PDE8A: variants seen among roughly 807,000 people sequenced by gnomAD.
The protein encoded by PDE8A is phosphodiesterase 8A, also known as high affinity cAMP-specific and IBMX-insensitive 3',5'-cyclic phosphodiesterase 8A.
Under a neutral mutation model 105.0 loss-of-function variants are expected in PDE8A, and 59 were observed. The ratio of observed to expected loss-of-function variants is 0.56; its 90% CI spans 0.46 to 0.70. The LOEUF (loss-of-function observed/expected upper bound fraction) is 0.70, where lower values mean the gene tolerates loss of function less well. Ranked by LOEUF, PDE8A falls within the 30% of genes least tolerant of loss-of-function variation. The pLI, the probability that PDE8A is intolerant of heterozygous loss-of-function variation, is 0.00. For synonymous variants in PDE8A, 355 were observed against 371.9 expected (o/e 0.95, Z 0.52); for missense variants, 1,014 against 1,045.9 (o/e 0.97, Z 0.42).
chr15:85,016,684 AG>A (rs2080329985), intron 1 of PDE8A, among the ~76,000 whole-genome samples: 1 of 152,200 alleles, frequency 6.6e-6, no homozygotes, highest in African/African-American at 2.4e-5. Context: ...AGCTGTGGGA[AG>A]AAAACTCAAA....
Position 84,982,160 on chromosome 15 carries a change from A to C in PDE8A, c.-3A>C. On this transcript the variant is annotated 5_prime_UTR_variant, in exon 1 of 22. Transcript: ENST00000394553. ...CCAGCGTGTCCGCGGCGCCGCCGCC[A>C]GCATGGGCTGTGCCCCGAGCATCCA... is the stretch of plus-strand genomic sequence containing the variant. The C allele has an allele frequency of 7.1e-7, 1 of 1,399,744 alleles. No homozygotes were observed. The highest frequency in any genetic ancestry group is 9.3e-7 in the Non-Finnish European group (1 of 1,080,288). 86.7% of individuals were successfully genotyped at this position (1,399,744 alleles called of 1,614,324 possible).
intron 6 of PDE8A, among the ~76,000 whole-genome samples, chr15:85,083,877 A>ACT: frequency 6.6e-6 from 1 of 152,312 alleles, no homozygotes; most frequent in Middle Eastern, 3.4e-3. Flanking sequence ...AATAATAGTA[A>ACT]GTTTAAAAAG....
chr15:85,040,159 G>GA (rs1000355811), intron 1 of PDE8A, among the ~76,000 whole-genome samples: 4 of 152,046 alleles, frequency 2.6e-5, no homozygotes, highest in African/African-American at 9.6e-5. Context: ...AAAAGAAAAA[G>GA]AAGCTGAGTG....
intron 1 of PDE8A, among the ~76,000 whole-genome samples, chr15:85,013,360 C>G (rs2080271943): frequency 6.6e-6 from 1 of 152,210 alleles, no homozygotes; most frequent in African/African-American, 2.4e-5. Context: ...CTTTTCTTAT[C>G]TGCAAAATGG....
chr15:85,009,176 A>G (rs1450236221), intron 1 of PDE8A, among the ~76,000 whole-genome samples: 1 of 151,608 alleles, frequency 6.6e-6, no homozygotes, highest in African/African-American at 2.4e-5. Context: ...TTCAAAGTGG[A>G]AAAGGGTATA....
chr15:85,037,983 A>G (rs1263435599), intron 1 of PDE8A, among the ~76,000 whole-genome samples: 1 of 152,236 alleles, frequency 6.6e-6, no homozygotes, highest in East Asian at 1.9e-4. Context: ...TTCTCCCAAC[A>G]ATACTCTTGA....
Position 85,135,244 on chromosome 15 carries a change from G to A in PDE8A, c.2254-1290G>A, listed in dbSNP as rs145804512. 1.0e-3 allele frequency among the ~76,000 whole-genome samples: 159 copies of A among 152,240 alleles called. 6 individuals are homozygous for A. Among genetic ancestry groups the A allele is most frequent in the Non-Finnish European group, 8.5e-4 (58 of 68,008 alleles). On this transcript the variant is annotated intron_variant, in intron 20 of 21. Transcript: ENST00000394553. ...GCTGTGAGTGTAGAAGACACGTCTT[G>A]TGAGTGGCCAACAGTGGGACGAGAC...
intron 1 of PDE8A, among the ~76,000 whole-genome samples, chr15:85,061,732 T>C (rs2141445194): frequency 6.6e-6 from 1 of 152,326 alleles, no homozygotes; most frequent in Admixed American, 6.5e-5. Context: ...GTGATGCATA[T>C]ATTAGCTTGT....
chr15:85,083,554 A>T lies in PDE8A; in HGVS notation c.547-2A>T. ...CCACAAAATTCCTCTTTCTGTTTGT[A>T]GAGGTATGTAGAAAACCCCAACATC... On this transcript the variant is annotated splice_acceptor_variant, in intron 5 of 21. Transcript: ENST00000394553. LOFTEE classifies it high-confidence loss of function. The T allele has an allele frequency of 6.3e-7, 1 of 1,590,804 alleles. No individual in the cohort carries two copies. The highest frequency in any genetic ancestry group is 8.6e-7 in the Non-Finnish European group (1 of 1,158,928).
intron 1 of PDE8A, among the ~76,000 whole-genome samples, chr15:85,056,768 C>G (rs2081066306): frequency 6.6e-6 from 1 of 152,216 alleles, no homozygotes; most frequent in Non-Finnish European, 1.5e-5. Context: ...CCTCCTTTAG[C>G]TCGGAGAAGT....
At chr15:85,064,131 C>T (rs1468391423) in intron 1 of PDE8A, 1 of 445,196 alleles carries the variant, frequency 2.2e-6, no homozygotes, top group African/African-American at 2.0e-5. Flanking sequence ...AAGGCAAAGC[C>T]AGAATCACAT....
At chr15:85,113,471 C>A in intron 13 of PDE8A, 24 bp downstream of exon 13, 1 of 1,577,322 alleles carries the variant, frequency 6.3e-7, no homozygotes, top group Non-Finnish European at 8.7e-7. Context: ...TGGTCTGTCT[C>A]CATTGAGCAC....
At chr15:85,060,965 G>A (rs2081135030) in intron 1 of PDE8A, among the ~76,000 whole-genome samples, 1 of 152,042 alleles carries the variant, frequency 6.6e-6, no homozygotes, top group African/African-American at 2.4e-5. Context: ...AACATTTCTT[G>A]CAGGGCATAT....
intron 1 of PDE8A, among the ~76,000 whole-genome samples, chr15:85,055,990 G>C (rs2081053412): frequency 6.6e-6 from 1 of 152,132 alleles, no homozygotes; most frequent in South Asian, 2.1e-4. Context: ...AGGAGCTCTT[G>C]TAAGGCAGGC....
chr15:84,992,660 G>A (rs2079904757), intron 1 of PDE8A, among the ~76,000 whole-genome samples: 1 of 152,166 alleles, frequency 6.6e-6, no homozygotes, highest in Non-Finnish European at 1.5e-5. Context: ...CTAACTTAGT[G>A]CAGTAGTTTG....
chr15:85,042,277 A>G (rs2080822149), intron 1 of PDE8A, among the ~76,000 whole-genome samples: 7 of 152,054 alleles, frequency 4.6e-5, no homozygotes, highest in African/African-American at 2.4e-5. Context: ...CCTTGGCTCA[A>G]TTGATCCTCT....
chr15:85,057,291 C>T (rs1368666070), intron 1 of PDE8A, among the ~76,000 whole-genome samples: 1 of 152,208 alleles, frequency 6.6e-6, no homozygotes, highest in Non-Finnish European at 1.5e-5. Flanking sequence ...TGTCTGTTCT[C>T]AGATCTCGAA....
chr15:84,986,912 A>G (rs541245463), intron 1 of PDE8A, among the ~76,000 whole-genome samples: 66 of 152,244 alleles, frequency 4.3e-4, no homozygotes, highest in African/African-American at 1.4e-3. Flanking sequence ...ACTGTGCCCA[A>G]CTGATTACTC....
rs147156437 is a variant in PDE8A, at chr15:85,117,677, C to T, written c.1572C>T (p.Arg524=). The T allele has an allele frequency of 6.4e-5, 104 of 1,614,010 alleles. No homozygotes were observed. The highest frequency in any genetic ancestry group is 8.6e-5 in the Non-Finnish European group (101 of 1,179,998). Residue 524 remains arginine, a synonymous_variant, in exon 17 of 22, where the codon CGC becomes CGT. Coordinates refer to ENST00000394553, the MANE Select transcript of PDE8A (RefSeq NM_002605.3). The part of the protein sequence containing the change: ...LIYLGLKMFA[R]FGICEFLHCS... ...ATCTTGGTCTCAAAATGTTTGCTCG[C>T]TTTGGAATCTGTGAATTCTTACACT... is the stretch of plus-strand genomic sequence containing the variant.
Sources: allele counts gnomAD v4.1 joint callset (sites outside exome capture counted in the v4.1 genomes callset), GRCh38; gene constraint gnomAD v4.1.1; transcripts MANE v1.5; gene names NCBI Gene and HGNC (gene_info 2026-07-23, HGNC 2026-07-21).